The following CNBD1 variants were observed in gnomAD, a reference collection of about 807,000 sequenced individuals.
The protein encoded by CNBD1 is cyclic nucleotide binding domain containing 1.
CNBD1 carries 71 observed loss-of-function variants against 54.4 expected under a neutral mutation model. The observed-to-expected ratio is 1.30, with a 90% CI of 1.08 to 1.59. The LOEUF is 1.59. Among genes scored for constraint, CNBD1 ranks in the 40% most tolerant of loss-of-function variants. The pLI, the probability that CNBD1 is intolerant of heterozygous loss-of-function variation, is 0.00. For synonymous variants in CNBD1, 182 were observed against 170.7 expected (o/e 1.07, Z -0.51); for missense variants, 659 against 518.0 (o/e 1.27, Z -2.64).
chr8:87,279,501 A>G (rs560438630), intron 6 of CNBD1, among the ~76,000 whole-genome samples: 1 of 151,548 alleles, frequency 6.6e-6, no homozygotes, highest in African/African-American at 2.4e-5. Context: ...CCTTATTAGA[A>G]GGATACAGAA....
intron 4 of CNBD1, among the ~76,000 whole-genome samples, chr8:87,074,683 C>T (rs889067134): frequency 6.6e-6 from 1 of 152,134 alleles, no homozygotes. Context: ...AGTCAGGGCT[C>T]TTTTGGCTGT....
At chr8:87,332,012 G>C (rs957189178) in intron 8 of CNBD1, among the ~76,000 whole-genome samples, 7 of 145,736 alleles carry the variant, frequency 4.8e-5, no homozygotes, top group Admixed American at 2.0e-4. Flanking sequence ...TCTGTAGGTT[G>C]CATGTTCACT....
At chr8:87,054,481 A>G (rs1024655528) in intron 4 of CNBD1, among the ~76,000 whole-genome samples, 27 of 152,348 alleles carry the variant, frequency 1.8e-4, no homozygotes, top group Admixed American at 6.5e-4. Context: ...GTTTCAAGAA[A>G]ATCACAGAGA....
chr8:87,119,565 C>T (rs1255447258), intron 4 of CNBD1, among the ~76,000 whole-genome samples: 1 of 152,016 alleles, frequency 6.6e-6, no homozygotes, highest in African/African-American at 2.4e-5. Context: ...AATTGCATGC[C>T]TTTTATTTTT....
At chr8:86,976,263 G>C (rs1003419487) in intron 4 of CNBD1, among the ~76,000 whole-genome samples, 8 of 72,746 alleles carry the variant, frequency 1.1e-4, no homozygotes, top group African/African-American at 4.1e-4. Context: ...TTTTGCTTTT[G>C]TCGTCTAGAC....
At chr8:87,360,172 T>C (rs1399193951) in intron 10 of CNBD1, among the ~76,000 whole-genome samples, 1 of 151,958 alleles carries the variant, frequency 6.6e-6, no homozygotes, top group Non-Finnish European at 1.5e-5. Context: ...TCAAGATAGG[T>C]AGAATAGAAT....
At chr8:87,048,131 G>A (rs753539481) in intron 4 of CNBD1, among the ~76,000 whole-genome samples, 8 of 151,994 alleles carry the variant, frequency 5.3e-5, no homozygotes, top group Non-Finnish European at 7.4e-5. Flanking sequence ...TTTGCAAATC[G>A]GGGTCTAGAG....
Position 87,307,370 on chromosome 8 carries a change from T to A in CNBD1, c.1042+20699T>A, listed in dbSNP as rs566451818. Among the ~76,000 whole-genome samples the A allele has an allele frequency of 5.5e-4, 83 of 152,290 alleles. 1 individual carries two copies. Among genetic ancestry groups the A allele is most frequent in the Admixed American group, 1.7e-3 (26 of 15,276 alleles). On this transcript the variant is annotated intron_variant, in intron 8 of 10. Transcript: ENST00000518476. ...GGACATAGGCATGGGTCATGCTTTG[T>A]AGAGTCAGGTTATTTGGCAGATTTG...
At chr8:87,229,156 C>T (rs1409055594) in intron 5 of CNBD1, among the ~76,000 whole-genome samples, 3 of 151,928 alleles carry the variant, frequency 2.0e-5, no homozygotes, top group Non-Finnish European at 4.4e-5. Flanking sequence ...GTCTGGCACT[C>T]CCTAGTGAGA....
chr8:87,334,988 T>A (rs1204178369), intron 8 of CNBD1, among the ~76,000 whole-genome samples: 1 of 152,142 alleles, frequency 6.6e-6, no homozygotes, highest in African/African-American at 2.4e-5. Context: ...CCTCCCAAAG[T>A]GCTGGGATTA....
intron 6 of CNBD1, among the ~76,000 whole-genome samples, chr8:87,270,381 A>G (rs1484919743): frequency 1.3e-5 from 2 of 152,194 alleles, no homozygotes; most frequent in Non-Finnish European, 2.9e-5. Flanking sequence ...ATTACTAATC[A>G]TTAGAGAAAT....
chr8:87,221,903 C>T (rs940820846), intron 5 of CNBD1, among the ~76,000 whole-genome samples: 3 of 151,942 alleles, frequency 2.0e-5, no homozygotes, highest in African/African-American at 7.3e-5. Flanking sequence ...TTATTCTAAG[C>T]GAGGTTATTA....
In CNBD1 at chr8:87,185,884, C is replaced by T. The variant is rs190821035; in HGVS notation, c.432-20109C>T. Among the ~76,000 whole-genome samples, 5 of 152,216 alleles carry T rather than the reference C, an allele frequency of 3.3e-5. No homozygotes were observed. In the East Asian group the frequency reaches 7.7e-4, roughly 24 times the overall value. The stretch of plus-strand genomic sequence containing the variant: ...CCTTTGACTGTCTCCTCAGTTATGT[C>T]TCCTCAATTAAGGAAACTGTCTGGA... On this transcript the variant is annotated intron_variant, in intron 4 of 10. Transcript: ENST00000518476.
intron 4 of CNBD1, among the ~76,000 whole-genome samples, chr8:87,153,937 G>A (rs1812659772): frequency 1.3e-5 from 2 of 152,128 alleles, no homozygotes; most frequent in Admixed American, 1.3e-4. Flanking sequence ...AAAATTATAT[G>A]GGAAGGCCAG....
At chr8:87,204,892 C>T (rs1314687226) in intron 4 of CNBD1, among the ~76,000 whole-genome samples, 1 of 151,792 alleles carries the variant, frequency 6.6e-6, no homozygotes, top group Non-Finnish European at 1.5e-5. Context: ...TTGTAAATGA[C>T]ATTAGGTAGG....
At position 87,221,357 on chromosome 8, in the gene CNBD1, C is replaced by T. The variant is rs547475611; in HGVS notation, c.577+15219C>T. 9.4e-4 allele frequency among the ~76,000 whole-genome samples: 143 copies of T among 152,238 alleles called. 1 individual carries two copies. Among genetic ancestry groups the T allele is most frequent in the African/African-American group, 3.3e-3 (137 of 41,550 alleles). On this transcript the variant is annotated intron_variant, in intron 5 of 10. Coordinates refer to ENST00000518476, the MANE Select transcript of CNBD1 (RefSeq NM_173538.3). ...ATTCTTTAAAATACTTTTTCCTGTA[C>T]TGTGCTTCTGACAAACTGGGTAATT...
Position 86,873,324 on chromosome 8 carries a change from C to G in CNBD1, c.88+6741C>G, listed in dbSNP as rs1312886134. On this transcript the variant is annotated intron_variant, in intron 1 of 10. Coordinates refer to ENST00000518476, the MANE Select transcript of CNBD1 (RefSeq NM_173538.3). ...CCCTGTTGATCAGGCTTGTCTCAAA[C>G]TCCCAACCTCGGGTGATCTGCCCGC... is the stretch of plus-strand genomic sequence containing the variant. Among the ~76,000 whole-genome samples, 4 of 151,872 alleles carry G rather than the reference C, an allele frequency of 2.6e-5. No individual in the cohort carries two copies. The East Asian group carries it at 7.8e-4, about 30-fold the overall frequency.
rs183818291 is a variant in CNBD1, at chr8:87,370,290, G to A, written c.1304-12330G>A. ...ATGGTATTTCTAGTTCTAGATCCCT[G>A]AGGAATCGCCACACTGACTTCCATA... is the stretch of plus-strand genomic sequence containing the variant. On this transcript the variant is annotated intron_variant, in intron 10 of 10. Coordinates refer to ENST00000518476, the MANE Select transcript of CNBD1 (RefSeq NM_173538.3). Among the ~76,000 whole-genome samples, 175 of 152,204 alleles carry A rather than the reference G, an allele frequency of 1.1e-3. 1 individual carries two copies. The highest frequency in any genetic ancestry group is 3.3e-3 in the African/African-American group (136 of 41,528).
chr8:87,177,098 T>C (rs1283801331), intron 4 of CNBD1, among the ~76,000 whole-genome samples: 1 of 152,168 alleles, frequency 6.6e-6, no homozygotes, highest in Non-Finnish European at 1.5e-5. Flanking sequence ...TAAGGTTAAA[T>C]GAGGCAATGT....
Sources: gnomAD v4.1 joint callset for allele counts (sites outside exome capture counted in the v4.1 genomes callset) on GRCh38, gnomAD v4.1.1 for gene constraint, MANE v1.5 for transcripts, NCBI Gene and HGNC (gene_info 2026-07-23, HGNC 2026-07-21) for gene names.